Variants in CLVS1 observed in about 807,000 individuals in gnomAD.
CLVS1 encodes clavesin-1.
In CLVS1, 10 loss-of-function variants were observed where a neutral mutation model predicts 33.1. The ratio of observed to expected loss-of-function variants is 0.30; its 90% CI spans 0.19 to 0.51. CLVS1 has a LOEUF of 0.51. CLVS1 is among the 20% of genes least tolerant of loss of function. The pLI is 0.97. For synonymous variants in CLVS1, 163 were observed against 166.1 expected, an observed-to-expected ratio of 0.98 and a Z score of 0.14; for missense variants, 343 against 433.4, an observed-to-expected ratio of 0.79 and a Z score of 1.85.
intron 5 of CLVS1, among the ~76,000 whole-genome samples, chr8:61,496,200 G>T (rs1804259539): frequency 6.6e-6 from 1 of 152,144 alleles, no homozygotes; most frequent in Non-Finnish European, 1.5e-5. Context: ...CTGTGGCTGT[G>T]GTTCTCATGC....
chr8:61,101,680 G>T (rs2129286573), intron 1 of CLVS1, among the ~76,000 whole-genome samples: 1 of 152,006 alleles, frequency 6.6e-6, no homozygotes, highest in Middle Eastern at 3.4e-3. Context: ...GAAACCATTG[G>T]CTAATCCAAG....
chr8:61,345,482 G>C (rs1172555318), intron 2 of CLVS1, among the ~76,000 whole-genome samples: 1 of 152,054 alleles, frequency 6.6e-6, no homozygotes, highest in Non-Finnish European at 1.5e-5. Context: ...TTTTCTAAAA[G>C]CAGATGGGTG....
At chr8:61,424,286 GGTT>G (rs1815795870) in intron 3 of CLVS1, among the ~76,000 whole-genome samples, 1 of 152,178 alleles carries the variant, frequency 6.6e-6, no homozygotes, top group Admixed American at 6.5e-5. Context: ...GGGTGCTGAG[GGTT>G]GTGAGAAAAG....
chr8:61,288,176 A>T (rs1809837569), intron 1 of CLVS1, 38 bp downstream of exon 1: 1 of 456,080 alleles, frequency 2.2e-6, no homozygotes, highest in Non-Finnish European at 4.4e-6. Context: ...GTATTTGCCG[A>T]GCCTCCCCGC....
chr8:61,009,510 T>C, the CLVS1 span, among the ~76,000 whole-genome samples: 31 of 149,404 alleles, frequency 2.1e-4, no homozygotes, highest in African/African-American at 5.7e-4. Flanking sequence ...TTTTTGTTTA[T>C]ATATACTTGC....
At chr8:61,147,034 T>G (rs539223234) in intron 2 of CLVS1, among the ~76,000 whole-genome samples, 1 of 152,290 alleles carries the variant, frequency 6.6e-6, no homozygotes, top group South Asian at 2.1e-4. Flanking sequence ...ATCGAGCAGA[T>G]CAGGGCAATA....
At chr8:61,009,262 C>T in the CLVS1 span, among the ~76,000 whole-genome samples, 1 of 152,024 alleles carries the variant, frequency 6.6e-6, no homozygotes, top group Non-Finnish European at 1.5e-5. Context: ...GATTCTCCCA[C>T]GTAGCCTCCT....
chr8:61,030,309 T>C, the CLVS1 span, among the ~76,000 whole-genome samples: 2 of 115,298 alleles, frequency 1.7e-5, no homozygotes, highest in Admixed American at 8.8e-5. Flanking sequence ...GGCAGCGGGG[T>C]GGGGGGGCGC....
chr8:61,132,009 G>C (rs958586867), intron 2 of CLVS1: 24 of 152,502 alleles, frequency 1.6e-4, no homozygotes, highest in African/African-American at 5.5e-4. Context: ...CACAGCGACT[G>C]GGTGGGGTGC....
rs139549103 is a variant in CLVS1 at position 61,179,931 on chromosome 8, T to G, written c.-152+48071T>G. Among the ~76,000 whole-genome samples, 8 of 152,122 alleles carry G rather than the reference T, an allele frequency of 5.3e-5. No homozygotes were observed. In the South Asian group the frequency reaches 8.3e-4, roughly 16 times the overall value. ...ACCCTAACTTCATAATTAAAAGAAC[T>G]AGAGAGGCAAGAGCAAACAAATCCA... On this transcript the variant is annotated intron_variant, in intron 2 of 2. Coordinates refer to the CLVS1 transcript ENST00000522621.
chr8:61,008,987 C>A, the CLVS1 span, among the ~76,000 whole-genome samples: 4 of 152,132 alleles, frequency 2.6e-5, no homozygotes, highest in African/African-American at 4.8e-5. Context: ...TCTCTTTTGA[C>A]CACTTGCACC....
chr8:61,041,783 T>A, the CLVS1 span, among the ~76,000 whole-genome samples: 1 of 152,198 alleles, frequency 6.6e-6, no homozygotes, highest in South Asian at 2.1e-4. Context: ...TCTTTAGGGT[T>A]TTCTAGGTAG....
chr8:61,032,996 A>AAG, the CLVS1 span, among the ~76,000 whole-genome samples: 4 of 51,506 alleles, frequency 7.8e-5, no homozygotes, highest in East Asian at 9.8e-4. Context: ...AAGGAAGGAA[A>AAG]GAAAGAAAGA....
intron 2 of CLVS1, among the ~76,000 whole-genome samples, chr8:61,206,803 G>A (rs1261325327): frequency 6.6e-6 from 1 of 152,000 alleles, no homozygotes; most frequent in Non-Finnish European, 1.5e-5. Context: ...TAGCCAGGAT[G>A]GTCTCGATCT....
At chr8:61,092,750 T>C (rs1805272476) in intron 1 of CLVS1, among the ~76,000 whole-genome samples, 1 of 152,246 alleles carries the variant, frequency 6.6e-6, no homozygotes, top group African/African-American at 2.4e-5. Flanking sequence ...CATGATGATG[T>C]TTCCTATTTT....
the CLVS1 span, among the ~76,000 whole-genome samples, chr8:60,974,764 G>A: frequency 6.7e-6 from 1 of 148,888 alleles, no homozygotes; most frequent in African/African-American, 2.5e-5. Flanking sequence ...GGGCAATAGA[G>A]CAAGACTCCA....
intron 2 of CLVS1, among the ~76,000 whole-genome samples, chr8:61,362,699 T>G (rs550561021): frequency 1.2e-4 from 19 of 152,292 alleles, no homozygotes; most frequent in Admixed American, 5.2e-4. Flanking sequence ...CAGTTGAAGA[T>G]CACTATTAAT....
At position 61,093,924 on chromosome 8, in the gene CLVS1, C is replaced by T. The variant is rs376933993; in HGVS notation, c.-243+36694C>T. Among the ~76,000 whole-genome samples the T allele has an allele frequency of 1.3e-3, 192 of 152,316 alleles. 1 individual carries two copies. The highest frequency in any genetic ancestry group is 4.3e-3 in the African/African-American group (178 of 41,568). On this transcript the variant is annotated intron_variant, in intron 1 of 2. Coordinates refer to the CLVS1 transcript ENST00000522621. ...CAGACAGGCCAGTCTTTGTCTCTGC[C>T]AGCAGAGGTCTGAATTTAAAACTTC... is the stretch of plus-strand genomic sequence containing the variant.
chr8:61,216,334 CA>C (rs1788960403), intron 2 of CLVS1, among the ~76,000 whole-genome samples: 1 of 152,280 alleles, frequency 6.6e-6, no homozygotes, highest in African/African-American at 2.4e-5. Flanking sequence ...TCTTGCTAGC[CA>C]AAAACATGCT....
Sources: gnomAD v4.1 joint callset for allele counts (sites outside exome capture counted in the v4.1 genomes callset) on GRCh38, gnomAD v4.1.1 for gene constraint, MANE v1.5 for transcripts, NCBI Gene and HGNC (gene_info 2026-07-23, HGNC 2026-07-21) for gene names.